The following PTPRJ variants were observed in gnomAD, a reference collection of about 807,000 sequenced individuals.
PTPRJ encodes receptor-type tyrosine-protein phosphatase eta.
PTPRJ carries 129 observed loss-of-function variants against 141.3 expected under a neutral mutation model. The ratio of observed to expected loss-of-function variants is 0.91; its 90% CI spans 0.79 to 1.06. The LOEUF is 1.06. PTPRJ is among the 50% of genes least tolerant of loss of function. The pLI, the probability that PTPRJ is intolerant of heterozygous loss-of-function variation, is 0.00. For synonymous variants in PTPRJ, 610 were observed against 640.5 expected, an observed-to-expected ratio of 0.95 and a Z score of 0.72; for missense variants, 1,601 against 1,679.7, an observed-to-expected ratio of 0.95 and a Z score of 0.82.
At chr11:48,035,294 T>A (rs1854091475) in intron 1 of PTPRJ, among the ~76,000 whole-genome samples, 1 of 152,220 alleles carries the variant, frequency 6.6e-6, no homozygotes, top group Non-Finnish European at 1.5e-5. Context: ...CCATGTCCCT[T>A]GCTCCATTTT....
intron 22 of PTPRJ, among the ~76,000 whole-genome samples, chr11:48,161,740 G>C (rs1857784106): frequency 6.6e-6 from 1 of 152,106 alleles, no homozygotes; most frequent in South Asian, 2.1e-4. Flanking sequence ...AGCCTCCTGA[G>C]TAGCTGGGAC....
chr11:48,001,349 AGTGTGTGTGTGTGTGTGTGT>A (rs57503257), intron 1 of PTPRJ, among the ~76,000 whole-genome samples: 6 of 134,678 alleles, frequency 4.5e-5, no homozygotes, highest in Non-Finnish European at 8.0e-5. Flanking sequence ...ACAGCCCCAA[AGTGTGTGTGTGTGTGTGTGT>A]GTGTGTGTGT....
intron 1 of PTPRJ, among the ~76,000 whole-genome samples, chr11:48,088,448 C>T (rs1262352312): frequency 6.6e-6 from 1 of 152,182 alleles, no homozygotes; most frequent in African/African-American, 2.4e-5. Flanking sequence ...CCGGACTCTC[C>T]TGGTGACAGT....
intron 1 of PTPRJ, among the ~76,000 whole-genome samples, chr11:48,107,094 G>C (rs1856310927): frequency 6.6e-6 from 1 of 151,972 alleles, no homozygotes; most frequent in Non-Finnish European, 1.5e-5. Flanking sequence ...GAAGAATCTA[G>C]TGTTCAGAGT....
Position 48,110,092 on chromosome 11 carries a change from C to T in PTPRJ, c.115+16C>T, listed in dbSNP as rs773180271. ...GCAGGTGGCAGTGAGTACCCTTTTCCTCTCTATTCTTGTGTTGTTCGCTAC... is the reference window on the plus strand; with the variant it reads ...GCAGGTGGCAGTGAGTACCCTTTTCTTCTCTATTCTTGTGTTGTTCGCTAC... On this transcript the variant is annotated intron_variant, in intron 2 of 24. Transcript: ENST00000418331. The T allele has an allele frequency of 6.2e-7, 1 of 1,612,160 alleles. No individual in the cohort carries two copies. The highest frequency in any genetic ancestry group is 2.2e-5 in the East Asian group (1 of 44,868).
intron 3 of PTPRJ, among the ~76,000 whole-genome samples, chr11:48,118,733 AT>A (rs1565311532): frequency 6.6e-6 from 1 of 152,234 alleles, no homozygotes; most frequent in Non-Finnish European, 1.5e-5. Flanking sequence ...CAGAAAAAAC[AT>A]TTGACCAAAA....
chr11:48,040,942 C>T (rs191314518), intron 1 of PTPRJ, among the ~76,000 whole-genome samples: 133 of 152,120 alleles, frequency 8.7e-4, no homozygotes, highest in Non-Finnish European at 1.6e-3. Context: ...TGGAGAGCTC[C>T]GGGTTGTCCT....
chr11:48,046,151 A>G (rs917761817), intron 1 of PTPRJ: 4 of 151,834 alleles, frequency 2.6e-5, no homozygotes, highest in Admixed American at 2.0e-4. Context: ...GGCTCAGGTG[A>G]TTCTCCCACC....
intron 5 of PTPRJ, 40 bp downstream of exon 5, chr11:48,123,910 C>T (rs2134342784): frequency 6.4e-7 from 1 of 1,569,120 alleles, no homozygotes; most frequent in South Asian, 1.2e-5. Context: ...CTTACTGGTT[C>T]TTACTTTCAG....
intron 11 of PTPRJ, among the ~76,000 whole-genome samples, chr11:48,140,962 C>T (rs1339942285): frequency 2.6e-5 from 4 of 152,174 alleles, no homozygotes; most frequent in Non-Finnish European, 5.9e-5. Context: ...TAGAGGGCTG[C>T]TGTATCAGCA....
At chr11:48,018,555 A>G (rs1012529757) in intron 1 of PTPRJ, among the ~76,000 whole-genome samples, 1 of 152,246 alleles carries the variant, frequency 6.6e-6, no homozygotes, top group African/African-American at 2.4e-5. Flanking sequence ...TACTTAAAAA[A>G]TTGCTGTAAA....
intron 1 of PTPRJ, among the ~76,000 whole-genome samples, chr11:48,048,620 C>G (rs958686578): frequency 1.3e-5 from 2 of 152,030 alleles, no homozygotes; most frequent in African/African-American, 4.8e-5. Flanking sequence ...ACGGCGAAAC[C>G]CCGTCTCTAC....
At chr11:48,008,494 G>C (rs368874637) in intron 1 of PTPRJ, among the ~76,000 whole-genome samples, 1 of 151,260 alleles carries the variant, frequency 6.6e-6, no homozygotes, top group Non-Finnish European at 1.5e-5. Flanking sequence ...TTCTGACCTC[G>C]TGATCCAACT....
At chr11:48,122,397 C>T (rs552293225) in intron 4 of PTPRJ, among the ~76,000 whole-genome samples, 11 of 152,360 alleles carry the variant, frequency 7.2e-5, no homozygotes, top group African/African-American at 2.6e-4. Flanking sequence ...GTGTCCTTAT[C>T]TAGCTTAAAG....
intron 1 of PTPRJ, among the ~76,000 whole-genome samples, chr11:48,051,126 C>T (rs528063058): frequency 5.7e-4 from 66 of 115,684 alleles, no homozygotes; most frequent in African/African-American, 1.7e-3. Context: ...GATGGAATCT[C>T]GCTCTGCCAC....
intron 1 of PTPRJ, among the ~76,000 whole-genome samples, chr11:48,050,483 G>C (rs1314510777): frequency 1.3e-5 from 2 of 152,168 alleles, no homozygotes; most frequent in Non-Finnish European, 2.9e-5. Flanking sequence ...GACAAGGTAT[G>C]ATGACATGTA....
chr11:48,041,294 G>C (rs545627027), intron 1 of PTPRJ, among the ~76,000 whole-genome samples: 5 of 152,286 alleles, frequency 3.3e-5, no homozygotes, highest in African/African-American at 7.2e-5. Flanking sequence ...GAGATGGAAG[G>C]CTGAGCGTTT....
At chr11:48,121,648 G>A (rs1856712685) in intron 4 of PTPRJ, among the ~76,000 whole-genome samples, 1 of 152,206 alleles carries the variant, frequency 6.6e-6, no homozygotes, top group Admixed American at 6.5e-5. Context: ...CTGTTGGGCA[G>A]GAAAGTTTGG....
chr11:48,058,479 C>G (rs1481002691), intron 1 of PTPRJ, among the ~76,000 whole-genome samples: 1 of 152,118 alleles, frequency 6.6e-6, no homozygotes, highest in Non-Finnish European at 1.5e-5. Context: ...TGCTAAAGTG[C>G]TAGGATTACG....
Sources: gnomAD v4.1 joint callset for allele counts (sites outside exome capture counted in the v4.1 genomes callset) on GRCh38, gnomAD v4.1.1 for gene constraint, MANE v1.5 for transcripts, NCBI Gene and HGNC (gene_info 2026-07-23, HGNC 2026-07-21) for gene names.